DLGAP1: variants seen among roughly 807,000 people sequenced by gnomAD.
DLGAP1 encodes DLG associated protein 1.
In DLGAP1, 11 loss-of-function variants were observed where a neutral mutation model predicts 90.8. That is an observed-to-expected ratio of 0.12 (90% confidence interval 0.08 to 0.20). The LOEUF is 0.20. DLGAP1 is among the 10% of genes least tolerant of loss of function. DLGAP1 has a pLI of 1.00. For missense variants in DLGAP1, 1,050 were observed against 1,333.8 expected, an observed-to-expected ratio of 0.79 and a Z score of 3.31; for synonymous variants, 558 against 540.7, an observed-to-expected ratio of 1.03 and a Z score of -0.44.
chr18:3,669,505 A>C (rs539704113), intron 7 of DLGAP1, among the ~76,000 whole-genome samples: 15 of 152,226 alleles, frequency 9.9e-5, no homozygotes, highest in African/African-American at 3.4e-4. Context: ...CGGCAGAAGA[A>C]GACACGAGTG....
At chr18:4,005,556 C>T (rs767749364) in intron 2 of DLGAP1, among the ~76,000 whole-genome samples, 2 of 152,212 alleles carry the variant, frequency 1.3e-5, no homozygotes, top group African/African-American at 2.4e-5. Flanking sequence ...GTGTGAGTCA[C>T]GTACTGGGTA....
At chr18:4,341,314 G>A (rs1255500972) in intron 1 of DLGAP1, among the ~76,000 whole-genome samples, 2 of 151,936 alleles carry the variant, frequency 1.3e-5, no homozygotes, top group Non-Finnish European at 2.9e-5. Context: ...AACAAAAATC[G>A]CTTATGTACT....
chr18:4,369,964 G>GCATTGCTGTGAC (rs1251728509), intron 1 of DLGAP1, among the ~76,000 whole-genome samples: 1 of 151,980 alleles, frequency 6.6e-6, no homozygotes, highest in Non-Finnish European at 1.5e-5. Flanking sequence ...GGTTATGATC[G>GCATTGCTGTGAC]CATTGCTGTG....
intron 1 of DLGAP1, among the ~76,000 whole-genome samples, chr18:4,326,780 T>C (rs2080827490): frequency 6.6e-6 from 1 of 152,118 alleles, no homozygotes; most frequent in Non-Finnish European, 1.5e-5. Flanking sequence ...ATGTTCTCAC[T>C]TATAAATGGA....
chr18:3,872,796 T>C (rs1421538640), intron 4 of DLGAP1, among the ~76,000 whole-genome samples: 1 of 152,214 alleles, frequency 6.6e-6, no homozygotes, highest in African/African-American at 2.4e-5. Flanking sequence ...GTCTTTAATT[T>C]GCAATCAAGC....
intron 3 of DLGAP1, among the ~76,000 whole-genome samples, chr18:3,886,393 G>A (rs750385103): frequency 1.1e-4 from 16 of 152,072 alleles, no homozygotes; most frequent in Non-Finnish European, 1.3e-4. Context: ...TATCCATCAC[G>A]TCAAATATTT....
intron 1 of DLGAP1, among the ~76,000 whole-genome samples, chr18:4,449,540 T>C (rs1309158240): frequency 6.6e-6 from 1 of 152,202 alleles, no homozygotes. Context: ...CAGATGTGCA[T>C]TCACTTGTTT....
chr18:4,408,679 A>T (rs2082714174), intron 1 of DLGAP1, among the ~76,000 whole-genome samples: 1 of 152,194 alleles, frequency 6.6e-6, no homozygotes, highest in African/African-American at 2.4e-5. Flanking sequence ...TAATATGTCC[A>T]TTATAAGTCT....
At chr18:3,562,539 CTTT>C (rs59612709) in intron 9 of DLGAP1, among the ~76,000 whole-genome samples, 45 of 118,124 alleles carry the variant, frequency 3.8e-4, no homozygotes, top group East Asian at 7.5e-4. Context: ...TCTTCTCTCC[CTTT>C]TTTTTTTTTT....
chr18:3,597,734 G>T, intron 7 of DLGAP1: 1 of 160,266 alleles, frequency 6.2e-6, no homozygotes, highest in Non-Finnish European at 1.4e-5. Flanking sequence ...CCAAACCTGG[G>T]GAAACAGGAT....
At chr18:4,296,615 A>AT (rs2079988436) in intron 1 of DLGAP1, among the ~76,000 whole-genome samples, 2 of 152,174 alleles carry the variant, frequency 1.3e-5, no homozygotes, top group African/African-American at 4.8e-5. Flanking sequence ...CCACTTTCAG[A>AT]TTGGCTGTCT....
At chr18:3,889,920 C>T (rs1233558369) in intron 3 of DLGAP1, among the ~76,000 whole-genome samples, 1 of 152,174 alleles carries the variant, frequency 6.6e-6, no homozygotes, top group Non-Finnish European at 1.5e-5. Context: ...AGGAGCCAGT[C>T]CAGAGTCCAT....
At chr18:4,354,724 C>A (rs1369492590) in intron 1 of DLGAP1, among the ~76,000 whole-genome samples, 2 of 151,778 alleles carry the variant, frequency 1.3e-5, no homozygotes, top group East Asian at 3.9e-4. Context: ...ATGATCTCCA[C>A]ACATCCATAT....
intron 5 of DLGAP1, among the ~76,000 whole-genome samples, chr18:3,806,286 T>G (rs2066556022): frequency 1.3e-5 from 2 of 152,208 alleles, no homozygotes; most frequent in South Asian, 4.1e-4. Flanking sequence ...CAGATTTTTC[T>G]CATCAGAAAA....
At chr18:4,442,351 A>G (rs1052401848) in intron 1 of DLGAP1, among the ~76,000 whole-genome samples, 1 of 152,228 alleles carries the variant, frequency 6.6e-6, no homozygotes, top group South Asian at 2.1e-4. Context: ...GATTATTTAC[A>G]TAATGTGCCT....
chr18:4,090,637 C>T (rs1449673399), intron 2 of DLGAP1, among the ~76,000 whole-genome samples: 2 of 152,160 alleles, frequency 1.3e-5, no homozygotes, highest in Non-Finnish European at 1.5e-5. Context: ...CGCTTTTACA[C>T]CACTGGTGGG....
chr18:4,128,609 A>T (rs2144181809), intron 2 of DLGAP1, among the ~76,000 whole-genome samples: 2 of 152,322 alleles, frequency 1.3e-5, no homozygotes, highest in Middle Eastern at 6.8e-3. Context: ...CCATGGAAAC[A>T]TCTCCAACTG....
chr18:3,869,323 A>T (rs1170690370), intron 4 of DLGAP1, among the ~76,000 whole-genome samples: 1 of 152,186 alleles, frequency 6.6e-6, no homozygotes, highest in African/African-American at 2.4e-5. Flanking sequence ...GCACTTCGGG[A>T]GGCCGAGGTG....
At position 3,653,670 on chromosome 18, in the gene DLGAP1, A is replaced by G. The variant is rs914821496; in HGVS notation, c.1592-71422T>C. The G allele has an allele frequency of 2.6e-5, 4 of 152,208 alleles. No homozygotes were observed. Among genetic ancestry groups the G allele is most frequent in the African/African-American group, 9.6e-5 (4 of 41,466 alleles). The allele number at this position is 152,208 out of a possible 1,614,324, so 9.4% of individuals were successfully genotyped here. A position where few individuals can be genotyped will look rare whatever the true frequency, so the allele number is the denominator to read the frequency against. On this transcript the variant is annotated intron_variant, in intron 7 of 12. Coordinates refer to ENST00000315677, the MANE Select transcript of DLGAP1 (RefSeq NM_004746.4). This position sits in a 1 kb window ranked among gnomAD's most constrained non-coding sequence, Gnocchi z 4.6. ...TTTGTTTTTCTCTTAGGACTTTGAC[A>G]ATTATTTTTCCTTGAAAAGAATAAG...
Sources: gnomAD v4.1 joint callset for allele counts (sites outside exome capture counted in the v4.1 genomes callset) on GRCh38, gnomAD v4.1.1 for gene constraint, Gnocchi (gnomAD v3.1) non-coding constraint, MANE v1.5 for transcripts, NCBI Gene and HGNC (gene_info 2026-07-23, HGNC 2026-07-21) for gene names.